Variants in DLGAP2 observed in about 807,000 individuals in gnomAD.
DLGAP2 encodes disks large-associated protein 2.
Under a neutral mutation model 100.3 loss-of-function variants are expected in DLGAP2, and 26 were observed. The ratio of observed to expected loss-of-function variants is 0.26; its 90% CI spans 0.19 to 0.36. DLGAP2 has a LOEUF of 0.36. Ranked by LOEUF, DLGAP2 falls within the 10% of genes least tolerant of loss-of-function variation. The pLI, the probability that DLGAP2 is intolerant of heterozygous loss-of-function variation, is 1.00. For synonymous variants in DLGAP2, 886 were observed against 630.1 expected, an observed-to-expected ratio of 1.41 and a Z score of -6.08; for missense variants, 1,858 against 1,453.2, an observed-to-expected ratio of 1.28 and a Z score of -4.53.
At chr8:1,230,667 C>G (rs1009939911) in intron 2 of DLGAP2, among the ~76,000 whole-genome samples, 3 of 152,054 alleles carry the variant, frequency 2.0e-5, no homozygotes, top group African/African-American at 4.8e-5. Context: ...GACACATAAA[C>G]CAACAGAACA....
chr8:883,015 G>T (rs1584859142), intron 1 of DLGAP2, among the ~76,000 whole-genome samples: 2 of 152,368 alleles, frequency 1.3e-5, no homozygotes, highest in East Asian at 3.9e-4. Flanking sequence ...CTCCACACGG[G>T]CTCTGGTCCT....
chr8:1,701,508 C>G lies in DLGAP2; in HGVS notation c.*102C>G. 8.1e-7 allele frequency: 1 copy of G among 1,240,536 alleles called. No individual in the cohort carries two copies. Among genetic ancestry groups the G allele is most frequent in the African/African-American group, 1.5e-5 (1 of 65,670 alleles). The allele number at this position is 1,240,536 out of a possible 1,614,324, so 76.8% of individuals were successfully genotyped here. A position where few individuals can be genotyped will look rare whatever the true frequency, so the allele number is the denominator to read the frequency against. ...TTCTGTCTCCTCCTCCCGCTGAACA[C>G]GTCCTCGCTCCCGCGCTCCCCGCGC... On this transcript the variant is annotated 3_prime_UTR_variant, in exon 15 of 15. Coordinates refer to ENST00000637795, the MANE Select transcript of DLGAP2 (RefSeq NM_001346810.2).
At chr8:997,923 C>T (rs2129017353) in intron 2 of DLGAP2, among the ~76,000 whole-genome samples, 1 of 150,946 alleles carries the variant, frequency 6.6e-6, no homozygotes, top group South Asian at 2.1e-4. Context: ...CAAACATGCA[C>T]ACACACCCAT....
chr8:919,994 C>T (rs547472719), intron 2 of DLGAP2, among the ~76,000 whole-genome samples: 2 of 152,336 alleles, frequency 1.3e-5, no homozygotes, highest in East Asian at 1.9e-4. Flanking sequence ...ACTGGGAGGA[C>T]TCCTGGAGCT....
chr8:1,492,191 G>A (rs1237459033), intron 3 of DLGAP2, among the ~76,000 whole-genome samples: 1 of 152,166 alleles, frequency 6.6e-6, no homozygotes, highest in Non-Finnish European at 1.5e-5. Context: ...TCATTTCTAT[G>A]GTTTTCAAAG....
At chr8:1,591,044 T>C (rs1270398899) in intron 6 of DLGAP2, among the ~76,000 whole-genome samples, 1 of 152,188 alleles carries the variant, frequency 6.6e-6, no homozygotes, top group Non-Finnish European at 1.5e-5. Context: ...TCTTACACAT[T>C]CTTGCCCTTC....
chr8:1,550,310 G>A (rs1801719665), intron 5 of DLGAP2, among the ~76,000 whole-genome samples: 1 of 152,336 alleles, frequency 6.6e-6, no homozygotes, highest in Non-Finnish European at 1.5e-5. Flanking sequence ...GCGCGGGGCT[G>A]CAGGGATGGC....
intron 1 of DLGAP2, among the ~76,000 whole-genome samples, chr8:873,164 T>C (rs543838378): frequency 2.0e-5 from 3 of 152,226 alleles, no homozygotes; most frequent in Non-Finnish European, 4.4e-5. Context: ...GTATTAAAAC[T>C]GATTCTCTAT....
chr8:1,001,745 C>T (rs868425029), intron 2 of DLGAP2, among the ~76,000 whole-genome samples: 1 of 152,164 alleles, frequency 6.6e-6, no homozygotes, highest in African/African-American at 2.4e-5. Flanking sequence ...GTAACGTACA[C>T]ACACATTTGA....
chr8:1,574,302 G>A (rs545697155), intron 6 of DLGAP2, among the ~76,000 whole-genome samples: 3 of 152,196 alleles, frequency 2.0e-5, no homozygotes, highest in East Asian at 3.9e-4. Context: ...GCACAGCACC[G>A]GCAATAATTG....
chr8:1,371,108 T>C (rs537192783), intron 3 of DLGAP2, among the ~76,000 whole-genome samples: 1 of 152,350 alleles, frequency 6.6e-6, no homozygotes, highest in African/African-American at 2.4e-5. Flanking sequence ...CCATCCTGCA[T>C]GTTTCTTGCC....
chr8:1,237,257 G>T (rs1405593566), intron 2 of DLGAP2, among the ~76,000 whole-genome samples: 1 of 136,398 alleles, frequency 7.3e-6, no homozygotes, highest in Non-Finnish European at 1.5e-5. Flanking sequence ...CTCTCACATG[G>T]TGCTATGTCT....
intron 1 of DLGAP2, among the ~76,000 whole-genome samples, chr8:823,063 C>G (rs6992220): frequency 0.27 from 41,593 of 151,852 alleles, 6,456 homozygotes; most frequent in African/African-American, 0.42. Context: ...TCAGGGGGGG[C>G]CATGTTGCTG....
At chr8:1,270,770 C>A (rs1228250734) in intron 3 of DLGAP2, among the ~76,000 whole-genome samples, 2 of 150,328 alleles carry the variant, frequency 1.3e-5, no homozygotes, top group Non-Finnish European at 3.0e-5. Context: ...CTCTGTGTGT[C>A]TCTCTGTGTG....
chr8:1,187,864 C>T (rs1214228954), intron 2 of DLGAP2, among the ~76,000 whole-genome samples: 2 of 124,400 alleles, frequency 1.6e-5, no homozygotes, highest in Admixed American at 7.3e-5. Flanking sequence ...CCCGGGACCC[C>T]CGTGACGTTT....
chr8:849,327 G>A (rs921433864), intron 1 of DLGAP2, among the ~76,000 whole-genome samples: 6 of 152,220 alleles, frequency 3.9e-5, no homozygotes, highest in Non-Finnish European at 5.9e-5. Context: ...GGAACGAGCC[G>A]GTGTTTCTAT....
chr8:766,300 C>T (rs774189683), intron 1 of DLGAP2, among the ~76,000 whole-genome samples: 1 of 152,256 alleles, frequency 6.6e-6, no homozygotes, highest in Non-Finnish European at 1.5e-5. Flanking sequence ...CAAACCCTTT[C>T]CCAGTCAGCT....
intron 3 of DLGAP2, among the ~76,000 whole-genome samples, chr8:1,444,971 C>T (rs1294388050): frequency 2.0e-5 from 3 of 151,382 alleles, no homozygotes; most frequent in Admixed American, 6.6e-5. Context: ...AGGGTTTCAC[C>T]GTGTTAGCCA....
At chr8:1,161,714 C>T (rs577609344) in intron 2 of DLGAP2, among the ~76,000 whole-genome samples, 4 of 152,304 alleles carry the variant, frequency 2.6e-5, no homozygotes, top group Admixed American at 2.0e-4. Context: ...TCTCAGGGCA[C>T]GTATGGTCCA....
Sources: gnomAD v4.1 joint callset for allele counts (sites outside exome capture counted in the v4.1 genomes callset) on GRCh38, gnomAD v4.1.1 for gene constraint, MANE v1.5 for transcripts, NCBI Gene and HGNC (gene_info 2026-07-23, HGNC 2026-07-21) for gene names.